GIGYF2: variants seen among roughly 807,000 people sequenced by gnomAD.
The protein encoded by GIGYF2 is GRB10 interacting GYF protein 2, also known as GRB10-interacting GYF protein 2.
A neutral mutation model predicts 208.1 loss-of-function variants in GIGYF2; 25 were observed. The ratio of observed to expected loss-of-function variants is 0.12; its 90% confidence interval spans 0.09 to 0.17. The LOEUF (loss-of-function observed/expected upper bound fraction) is 0.17. GIGYF2 is among the 10% of genes least tolerant of loss of function. The probability of loss-of-function intolerance (pLI) is 1.00; values close to 1 mark genes in which losing one functional copy is unlikely to be tolerated. For missense variants in GIGYF2, 1,302 were observed against 1,579.4 expected (o/e 0.82, Z 2.98); for synonymous variants, 534 against 543.8 (o/e 0.98, Z 0.25).
chr2:232,722,870 A>T (rs1286343406), intron 2 of GIGYF2, among the ~76,000 whole-genome samples: 1 of 152,226 alleles, frequency 6.6e-6, no homozygotes, highest in African/African-American at 2.4e-5. Context: ...ACCCTACCTT[A>T]TCATCTTCTC....
At chr2:232,789,316 A>T (rs1456798044) in intron 9 of GIGYF2, among the ~76,000 whole-genome samples, 1 of 152,136 alleles carries the variant, frequency 6.6e-6, no homozygotes, top group Admixed American at 6.6e-5. Flanking sequence ...GAACCTAGGA[A>T]AGTCAGTAAG....
chr2:232,833,358 C>G (rs1012191365), intron 22 of GIGYF2, among the ~76,000 whole-genome samples: 5 of 152,110 alleles, frequency 3.3e-5, no homozygotes, highest in African/African-American at 1.2e-4. Context: ...GTAGCTGAGA[C>G]TACAGGCATG....
intron 21 of GIGYF2, among the ~76,000 whole-genome samples, chr2:232,823,519 A>AT (rs911755753): frequency 9.9e-5 from 15 of 151,660 alleles, no homozygotes; most frequent in Non-Finnish European, 2.2e-4. Flanking sequence ...CTCCTGGCTA[A>AT]TTTTTTTATT....
At chr2:232,800,217 A>G (rs1559441840) in intron 14 of GIGYF2, among the ~76,000 whole-genome samples, 3 of 152,098 alleles carry the variant, frequency 2.0e-5, no homozygotes, top group Non-Finnish European at 2.9e-5. Flanking sequence ...AATGTTATAT[A>G]AAGCATTTGC....
In GIGYF2 at chr2:232,795,974, CA is replaced by C. The variant is rs200648825; in HGVS notation, c.1480-80del. ...AGTGACTTTCATAGATCAAGTAGTC[CA>C]AAAAAAAGGGGCAGGCACTGTTATT... On this transcript the variant is annotated intron_variant, in intron 13 of 28. Coordinates refer to ENST00000373563, the MANE Select transcript of GIGYF2 (RefSeq NM_001103146.3). The C allele has an allele frequency of 5.3e-4, 494 of 923,942 alleles. 1 individual carries two copies. The highest frequency in any genetic ancestry group is 3.7e-3 in the African/African-American group (229 of 61,296). 57.2% of individuals were successfully genotyped at this position (923,942 alleles called of 1,614,324 possible).
Position 232,806,305 on chromosome 2 carries a change from CTTTAT to C in GIGYF2, c.1640-183_1640-179del, listed in dbSNP as rs1395047909. ...ATAATTTGGGATGTATAAACACAGA[CTTTAT>C]TTAAAAATTATTTTAGTAGTTAGAA... is the stretch of plus-strand genomic sequence containing the variant. On this transcript the variant is annotated intron_variant, in intron 14 of 28. Coordinates refer to ENST00000373563, the MANE Select transcript of GIGYF2 (RefSeq NM_001103146.3). This position sits in a 1 kb window ranked among gnomAD's most constrained non-coding sequence, Gnocchi z 4.0. Among the ~76,000 whole-genome samples the C allele has an allele frequency of 1.3e-5, 2 of 152,168 alleles. No homozygotes were observed. Among genetic ancestry groups the C allele is most frequent in the East Asian group, 3.8e-4 (2 of 5,200 alleles).
At chr2:232,841,658 C>T (rs11676216) in intron 23 of GIGYF2, among the ~76,000 whole-genome samples, 103,778 of 151,768 alleles carry the variant, frequency 0.68, 35,843 homozygotes, top group African/African-American at 0.73. Context: ...TTTTAAGTCT[C>T]CCTGTACCCT....
At chr2:232,818,068 GATA>G (rs927200952) in intron 20 of GIGYF2, among the ~76,000 whole-genome samples, 1 of 152,040 alleles carries the variant, frequency 6.6e-6, no homozygotes, top group African/African-American at 2.4e-5. Flanking sequence ...GTTTCTTTTT[GATA>G]ATGACACTTT....
chr2:232,755,227 G>T (rs1344432571), intron 5 of GIGYF2, among the ~76,000 whole-genome samples: 1 of 152,188 alleles, frequency 6.6e-6, no homozygotes, highest in Non-Finnish European at 1.5e-5. Flanking sequence ...CTAGAGTGCA[G>T]TGGCATGATC....
At chr2:232,738,694 G>A (rs1420556947) in intron 3 of GIGYF2, among the ~76,000 whole-genome samples, 3 of 152,184 alleles carry the variant, frequency 2.0e-5, no homozygotes, top group African/African-American at 7.2e-5. Context: ...TTGTTGGAAA[G>A]TAAAGTTGTT....
chr2:232,784,661 G>A (rs1699854864), intron 8 of GIGYF2, among the ~76,000 whole-genome samples: 2 of 152,090 alleles, frequency 1.3e-5, no homozygotes, highest in Admixed American at 6.5e-5. Flanking sequence ...ACAGGTGTGA[G>A]CCACCGCGCC....
chr2:232,779,995 C>T (rs1699656414), intron 8 of GIGYF2, among the ~76,000 whole-genome samples: 1 of 151,970 alleles, frequency 6.6e-6, no homozygotes, highest in African/African-American at 2.4e-5. Context: ...AATACAAAGT[C>T]ACTCCTTAAA....
intron 8 of GIGYF2, chr2:232,770,762 T>G (rs1340520313): frequency 1.5e-6 from 1 of 674,684 alleles, no homozygotes; most frequent in Non-Finnish European, 2.5e-6. Context: ...CTTTTCTATC[T>G]TAGACATTAC....
chr2:232,767,441 A>T (rs1025168624), intron 8 of GIGYF2: 1 of 152,572 alleles, frequency 6.6e-6, no homozygotes, highest in Non-Finnish European at 1.5e-5. Context: ...TTTGATTATT[A>T]TGGAGGACAG....
intron 8 of GIGYF2, among the ~76,000 whole-genome samples, chr2:232,785,565 C>A (rs1699883604): frequency 6.6e-6 from 1 of 152,216 alleles, no homozygotes; most frequent in Admixed American, 6.5e-5. Flanking sequence ...GGCATCTCAT[C>A]ACTTCAGCTG....
intron 5 of GIGYF2, among the ~76,000 whole-genome samples, chr2:232,754,784 A>G (rs1360729919): frequency 6.6e-6 from 1 of 152,108 alleles, no homozygotes; most frequent in Non-Finnish European, 1.5e-5. Context: ...TTGAAATAGA[A>G]ATATAATTTT....
intron 2 of GIGYF2, among the ~76,000 whole-genome samples, chr2:232,730,752 G>A (rs1406621412): frequency 2.0e-5 from 3 of 148,762 alleles, no homozygotes; most frequent in Non-Finnish European, 4.5e-5. Context: ...CAAAAAATTA[G>A]CCGGGCGTAG....
chr2:232,705,020 C>T (rs181723709), intron 2 of GIGYF2, among the ~76,000 whole-genome samples: 1,878 of 151,976 alleles, frequency 0.012, 45 homozygotes, highest in African/African-American at 0.043. Context: ...CCACCACGCC[C>T]GGCCAATTTT....
rs555202590 is a variant in GIGYF2, at chr2:232,832,927, G to A, written c.2600G>A (p.Arg867Gln). 2.6e-5 allele frequency: 41 copies of A among 1,565,938 alleles called. No homozygotes were observed. The highest frequency in any genetic ancestry group is 4.1e-5 in the African/African-American group (3 of 73,808). ...CGTCGATTAGAGGAGAACCGGCTGC[G>A]GATGGAAGAGGAGGCAGCCAGACTC... ...AQRRLEENRL[R>Q]MEEEAARLRH... Residue 867 changes from arginine to glutamine, a missense_variant, in exon 22 of 29, where the codon CGG (arginine) becomes CAG (glutamine). This residue lies in a region of GIGYF2 where 701 missense variants were observed against 793.0 expected (regional missense o/e 0.88). Transcript: ENST00000373563.
Sources: gnomAD v4.1 joint callset for allele counts (sites outside exome capture counted in the v4.1 genomes callset) on GRCh38, gnomAD v4.1.1 for gene constraint, gnomAD v4.1.1 regional missense constraint, Gnocchi (gnomAD v3.1) non-coding constraint, MANE v1.5 for transcripts, NCBI Gene and HGNC (gene_info 2026-07-23, HGNC 2026-07-21) for gene names.